The following WDPCP variants were observed in gnomAD, a reference collection of about 807,000 sequenced individuals.
WDPCP encodes the protein WD repeat-containing and planar cell polarity effector protein fritz homolog.
In WDPCP, 71 loss-of-function variants were observed where a neutral mutation model predicts 93.1. That is an observed-to-expected ratio of 0.76 (90% CI 0.63 to 0.93). The LOEUF is 0.93. WDPCP is among the 40% of genes least tolerant of loss of function. WDPCP has a pLI of 0.00. For missense variants in WDPCP, 844 were observed against 887.4 expected (o/e 0.95, Z 0.62); for synonymous variants, 315 against 315.0 (o/e 1.00, Z 0.00).
chr2:63,285,220 G>A (rs923899903), intron 13 of WDPCP, among the ~76,000 whole-genome samples: 2 of 152,132 alleles, frequency 1.3e-5, no homozygotes, highest in African/African-American at 2.4e-5. Flanking sequence ...CACGAGGTAA[G>A]GAGATCAAGA....
At chr2:63,575,419 C>CACTGTATATACTGTATATACTG (rs1491254250) in intron 1 of WDPCP, among the ~76,000 whole-genome samples, 2 of 65,574 alleles carry the variant, frequency 3.0e-5, no homozygotes, top group Admixed American at 1.6e-4. Flanking sequence ...AGTATATACA[C>CACTGTATATACTGTATATACTG]TGTATACAGT....
chr2:63,216,857 T>C (rs1271993312), intron 14 of WDPCP, among the ~76,000 whole-genome samples: 1 of 152,224 alleles, frequency 6.6e-6, no homozygotes, highest in Non-Finnish European at 1.5e-5. Flanking sequence ...TGATGTTTTC[T>C]ACTAAGGACT....
At chr2:63,206,017 G>A (rs993162551) in intron 14 of WDPCP, among the ~76,000 whole-genome samples, 12 of 151,998 alleles carry the variant, frequency 7.9e-5, no homozygotes, top group Non-Finnish European at 1.8e-4. Context: ...CATTTTTGAT[G>A]GTTTTTATCC....
intron 14 of WDPCP, among the ~76,000 whole-genome samples, chr2:63,184,160 C>T (rs946441599): frequency 6.6e-6 from 1 of 152,088 alleles, no homozygotes; most frequent in Non-Finnish European, 1.5e-5. Context: ...TTGTTTCTAT[C>T]ATAATGTTAA....
chr2:63,476,543 T>C (rs1318581557), intron 6 of WDPCP, among the ~76,000 whole-genome samples: 2 of 152,186 alleles, frequency 1.3e-5, no homozygotes, highest in Non-Finnish European at 2.9e-5. Flanking sequence ...CTCAGTGTCA[T>C]ACAATTTGGC....
chr2:63,147,591 A>G (rs1271996821), intron 17 of WDPCP, among the ~76,000 whole-genome samples: 1 of 152,206 alleles, frequency 6.6e-6, no homozygotes, highest in Non-Finnish European at 1.5e-5. Context: ...CGTTATTTTA[A>G]AAACATTCAC....
rs191758024 is a variant in WDPCP at position 63,538,149 on chromosome 2, G to T, written c.76-45209C>A. Among the ~76,000 whole-genome samples the T allele has an allele frequency of 1.4e-4, 22 of 152,046 alleles. No individual in the cohort carries two copies. In the East Asian group the frequency reaches 2.3e-3, roughly 16 times the overall value. ...AGTATACTTATAATGTTGAGAAAGAGATCTCAAGAGTAACACAATTCAAGC... is the reference window on the plus strand; with the variant it reads ...AGTATACTTATAATGTTGAGAAAGATATCTCAAGAGTAACACAATTCAAGC... On this transcript the variant is annotated intron_variant, in intron 1 of 17. Coordinates refer to ENST00000272321, the MANE Select transcript of WDPCP (RefSeq NM_015910.7).
intron 1 of WDPCP, among the ~76,000 whole-genome samples, chr2:63,821,237 AG>A (rs1357452399): frequency 6.6e-6 from 1 of 152,142 alleles, no homozygotes; most frequent in Non-Finnish European, 1.5e-5. Context: ...TGACTCTGCC[AG>A]GGAGTCTGAA....
At chr2:63,787,450 G>C (rs1670486293) in intron 2 of WDPCP, among the ~76,000 whole-genome samples, 1 of 152,120 alleles carries the variant, frequency 6.6e-6, no homozygotes. Context: ...TGCAGTCTTG[G>C]GGAGGGTTTG....
At chr2:63,840,518 T>C in the WDPCP span, among the ~76,000 whole-genome samples, 93 of 152,304 alleles carry the variant, frequency 6.1e-4, no homozygotes, top group African/African-American at 2.1e-3. Context: ...CCTCCTTTTG[T>C]TAGCTGGCCC....
At chr2:63,520,172 A>T (rs765342510) in intron 1 of WDPCP, among the ~76,000 whole-genome samples, 11 of 152,230 alleles carry the variant, frequency 7.2e-5, no homozygotes, top group African/African-American at 2.4e-4. Flanking sequence ...TAACTCAGTC[A>T]GACAAAAATA....
Position 63,622,915 on chromosome 2 carries a change from G to A in WDPCP, n.488+27744C>T, listed in dbSNP as rs568293902. The A allele has an allele frequency of 3.0e-5, 35 of 1,165,124 alleles. No individual in the cohort carries two copies. In the African/African-American group the frequency reaches 4.7e-4, roughly 16 times the overall value. The allele number at this position is 1,165,124 out of a possible 1,614,324, so 72.2% of individuals were successfully genotyped here. ...GCACGCGGGGGCCGGGCCAGGCCGG[G>A]GCTCGGCGCACACCTGCTGCCAGGC... On this transcript the variant is annotated intron_variant and non_coding_transcript_variant, in intron 3 of 4. Transcript: ENST00000467687.
intron 14 of WDPCP, among the ~76,000 whole-genome samples, chr2:63,185,962 A>G (rs1307639143): frequency 2.0e-5 from 3 of 151,778 alleles, no homozygotes; most frequent in African/African-American, 7.3e-5. Flanking sequence ...ATCTCTGAGG[A>G]GAGTTTAGGG....
intron 12 of WDPCP, among the ~76,000 whole-genome samples, chr2:63,354,684 A>G (rs6546000): frequency 0.81 from 122,714 of 152,022 alleles, 50,317 homozygotes; most frequent in East Asian, 0.97. Context: ...GTGTGTGTAC[A>G]TATATGTGTG....
intron 2 of WDPCP, among the ~76,000 whole-genome samples, chr2:63,707,595 G>A (rs1045649748): frequency 5.3e-5 from 8 of 152,158 alleles, no homozygotes; most frequent in Non-Finnish European, 1.0e-4. Context: ...GCTCAGAATA[G>A]TTTGATCTTC....
At chr2:63,332,100 G>T (rs1288864073) in intron 12 of WDPCP, among the ~76,000 whole-genome samples, 3 of 150,528 alleles carry the variant, frequency 2.0e-5, no homozygotes, top group Non-Finnish European at 4.4e-5. Flanking sequence ...ATATGTGTGT[G>T]TGTGTGTATA....
chr2:63,455,490 G>A (rs1391201438), intron 6 of WDPCP, among the ~76,000 whole-genome samples: 5 of 145,512 alleles, frequency 3.4e-5, no homozygotes, highest in African/African-American at 7.6e-5. Context: ...GATATTCCAC[G>A]CAAATGGAAA....
chr2:63,426,225 AG>A (rs1294341670), intron 9 of WDPCP, among the ~76,000 whole-genome samples: 2 of 152,176 alleles, frequency 1.3e-5, no homozygotes, highest in African/African-American at 4.8e-5. Flanking sequence ...CTGTAGTCCC[AG>A]CTACTCAGGA....
chr2:63,683,403 G>T (rs1356566787), intron 2 of WDPCP, among the ~76,000 whole-genome samples: 3 of 152,010 alleles, frequency 2.0e-5, no homozygotes, highest in Non-Finnish European at 4.4e-5. Context: ...GATAGAAAAA[G>T]ATATTTCATG....
Sources: gnomAD v4.1 joint callset for allele counts (sites outside exome capture counted in the v4.1 genomes callset) on GRCh38, gnomAD v4.1.1 for gene constraint, MANE v1.5 for transcripts, NCBI Gene and HGNC (gene_info 2026-07-23, HGNC 2026-07-21) for gene names.